Variants in SLC10A2 observed in about 807,000 individuals in gnomAD.
SLC10A2 encodes the protein solute carrier family 10 member 2.
In SLC10A2, 34 loss-of-function variants were observed where a neutral mutation model predicts 27.1. The observed-to-expected ratio is 1.26, with a 90% CI of 0.96 to 1.67. SLC10A2 has a LOEUF of 1.67. Ranked by LOEUF, SLC10A2 falls within the 40% of genes most tolerant of loss-of-function variation. The pLI, the probability that SLC10A2 is intolerant of heterozygous loss-of-function variation, is 0.00. For synonymous variants in SLC10A2, 205 were observed against 174.0 expected (o/e 1.18, Z -1.40); for missense variants, 530 against 444.4 (o/e 1.19, Z -1.73).
chr13:103,046,385 T>C (rs1403204275), intron 5 of SLC10A2, 125 bp from the exon 6 acceptor site: 4 of 792,982 alleles, frequency 5.0e-6, no homozygotes, highest in Non-Finnish European at 8.1e-6. Flanking sequence ...GGAGGCTGCT[T>C]AGAGAAAGAA....
At chr13:103,064,814 AG>A (rs1876227481) in intron 1 of SLC10A2, among the ~76,000 whole-genome samples, 1 of 152,084 alleles carries the variant, frequency 6.6e-6, no homozygotes, top group African/African-American at 2.4e-5. Flanking sequence ...AACCATATGA[AG>A]GTATAGGGTT....
chr13:103,052,584 A>T, intron 3 of SLC10A2, 36 bp downstream of exon 3: 1 of 1,345,620 alleles, frequency 7.4e-7, no homozygotes, highest in South Asian at 1.2e-5. Context: ...TGATTGTCAC[A>T]GTGGAATATT....
chr13:103,058,957 C>A (rs1876022836), intron 1 of SLC10A2, among the ~76,000 whole-genome samples: 1 of 152,132 alleles, frequency 6.6e-6, no homozygotes. Context: ...GATTTGTATT[C>A]TTTTGGGTAT....
chr13:103,051,156 A>T, intron 4 of SLC10A2, 101 bp downstream of exon 4: 1 of 1,150,006 alleles, frequency 8.7e-7, no homozygotes, highest in Non-Finnish European at 1.3e-6. Flanking sequence ...TCTGTTGTTT[A>T]AGCCACTCAG....
chr13:103,058,605 C>T (rs1004903283), intron 1 of SLC10A2, among the ~76,000 whole-genome samples: 2 of 152,080 alleles, frequency 1.3e-5, no homozygotes, highest in South Asian at 2.1e-4. Context: ...CCTCTCTTTC[C>T]TCCCACCCTC....
chr13:103,052,706 T>G lies in SLC10A2; in HGVS notation c.499A>C (p.Thr167Pro). Residue 167 changes from threonine (T) to proline (P), a missense_variant and splice_region_variant, in exon 3 of 6, where the codon ACA (threonine) becomes CCA (proline). Thr to Pro is a conservative substitution (Grantham distance 38, BLOSUM62 -1). Transcript: ENST00000245312. ...SIVIPYDNIGTSLVSLVVPVS... is the reference protein window; with the variant it reads ...SIVIPYDNIGPSLVSLVVPVS... ...GGAACAACGAGAGAAACCAGAGATGTACCTAAAGATGACAGAAGGGCAATG... is the reference window on the plus strand; with the variant it reads ...GGAACAACGAGAGAAACCAGAGATGGACCTAAAGATGACAGAAGGGCAATG... 1 of 1,587,440 alleles carries G rather than the reference T, an allele frequency of 6.3e-7. No homozygotes were observed. The highest frequency in any genetic ancestry group is 8.7e-7 in the Non-Finnish European group (1 of 1,156,034).
intron 2 of SLC10A2, among the ~76,000 whole-genome samples, chr13:103,057,434 C>T (rs1035307116): frequency 1.3e-5 from 2 of 152,094 alleles, no homozygotes; most frequent in East Asian, 1.9e-4. Context: ...AATTTGACTC[C>T]TGGAGCATGA....
rs1428524713 is a variant in SLC10A2, at chr13:103,044,168, A to G, written c.*1965T>C. On this transcript the variant is annotated 3_prime_UTR_variant, in exon 6 of 6. Coordinates refer to ENST00000245312, the MANE Select transcript of SLC10A2 (RefSeq NM_000452.3). ...TTTTCTTCCCACTAGCAAATTAGGGAAAAAGACTCAAGTCACAAGTTACCG... is the reference window on the plus strand; with the variant it reads ...TTTTCTTCCCACTAGCAAATTAGGGGAAAAGACTCAAGTCACAAGTTACCG... 3 of 152,190 alleles carry G rather than the reference A, an allele frequency of 2.0e-5. No individual in the cohort carries two copies. The highest frequency in any genetic ancestry group is 6.5e-5 in the Admixed American group (1 of 15,280). 9.4% of individuals were successfully genotyped at this position (152,190 alleles called of 1,614,324 possible). A position where few individuals can be genotyped will look rare whatever the true frequency, so the allele number is the denominator to read the frequency against.
In SLC10A2 at chr13:103,058,312, T is replaced by C. The variant is rs1876000401; in HGVS notation, c.448A>G (p.Lys150Glu). 2 of 1,613,666 alleles carry C rather than the reference T, an allele frequency of 1.2e-6. No homozygotes were observed. The highest frequency in any genetic ancestry group is 1.7e-6 in the Non-Finnish European group (2 of 1,179,626). The change falls in exon 2 of 6, where the codon AAA becomes GAA. Residue 150 changes from lysine (K) to glutamate (E), a missense_variant. Coordinates refer to ENST00000245312, the MANE Select transcript of SLC10A2 (RefSeq NM_000452.3). ...MMPLCLLIYT[K>E]MWVDSGSIVI... ...ATGCTCCCAGAGTCGACCCACATTT[T>C]GGTATAGATAAGGAGGCACAGCGGC... is the stretch of plus-strand genomic sequence containing the variant.
intron 1 of SLC10A2, among the ~76,000 whole-genome samples, chr13:103,060,531 A>G (rs1876084905): frequency 6.6e-6 from 1 of 151,892 alleles, no homozygotes; most frequent in Non-Finnish European, 1.5e-5. Flanking sequence ...ATGAGCCACC[A>G]TGCCAGGCTA....
chr13:103,051,403 A>C lies in SLC10A2; in HGVS notation c.615T>G (p.Ile205Met), dbSNP rs1399307844. The change falls in exon 4 of 6, where the codon ATT (isoleucine) becomes ATG (methionine). Residue 205 changes from isoleucine to methionine, a missense_variant. By Grantham distance (10) the Ile-to-Met change is conservative. Transcript: ENST00000245312. Reference protein sequence around the residue: ...KIGSIAGAILIVLIAVVGGIL... With the variant: ...KIGSIAGAILMVLIAVVGGIL... ...TTCCTCCAACCACAGCTATGAGCAC[A>C]ATGAGGATGGCGCCCGCGATGGACC... The C allele has an allele frequency of 9.3e-6, 15 of 1,614,072 alleles. No individual in the cohort carries two copies. Among genetic ancestry groups the C allele is most frequent in the East Asian group, 2.2e-5 (1 of 44,870 alleles).
intron 1 of SLC10A2, among the ~76,000 whole-genome samples, chr13:103,060,397 T>G (rs1876078114): frequency 6.6e-6 from 1 of 151,334 alleles, no homozygotes; most frequent in African/African-American, 2.4e-5. Flanking sequence ...TTTTTTTTTT[T>G]TTTTTTAAAT....
chr13:103,054,376 T>C (rs953725731), intron 2 of SLC10A2, among the ~76,000 whole-genome samples: 1 of 152,216 alleles, frequency 6.6e-6, no homozygotes, highest in Admixed American at 6.5e-5. Flanking sequence ...TAATTCTTTA[T>C]AGCAATGAGA....
intron 1 of SLC10A2, among the ~76,000 whole-genome samples, chr13:103,059,944 T>G (rs1876056230): frequency 6.6e-6 from 1 of 152,104 alleles, no homozygotes; most frequent in Non-Finnish European, 1.5e-5. Context: ...TAGCACTGAG[T>G]AAGTTATTGG....
chr13:103,059,751 G>A (rs1876048421), intron 1 of SLC10A2, among the ~76,000 whole-genome samples: 1 of 152,190 alleles, frequency 6.6e-6, no homozygotes, highest in African/African-American at 2.4e-5. Flanking sequence ...GTCTGACCAT[G>A]CTGAGATGGA....
Position 103,066,111 on chromosome 13 carries a change from A to C in SLC10A2, c.139T>G (p.Phe47Val), listed in dbSNP as rs779425020. ...ATTTCCACGTTGCATCCCATGGAGA[A>C]CATCACCAAGGCCAACAGGATGGTC... ...VLTILLALVM[F>V]SMGCNVEIKK... The change falls in exon 1 of 6, where the codon TTC (phenylalanine) becomes GTC (valine). Residue 47 changes from phenylalanine (F) to valine (V), a missense_variant. By Grantham distance (50) the Phe-to-Val change is conservative. Transcript: ENST00000245312. 2.0e-5 allele frequency: 33 copies of C among 1,614,092 alleles called. No homozygotes were observed. In the South Asian group the frequency reaches 3.5e-4, roughly 17 times the overall value.
At position 103,049,307 on chromosome 13, in the gene SLC10A2, C is replaced by G. The variant is rs1172971165; in HGVS notation, c.901G>C (p.Ala301Pro). Residue 301 changes from alanine to proline, a missense_variant, in exon 5 of 6, where the codon GCC becomes CCC. Coordinates refer to ENST00000245312, the MANE Select transcript of SLC10A2 (RefSeq NM_000452.3). Reference sequence around the variant, plus strand: ...TCCTTACATCCTAAGAATATTGCGGCAAAGGCGAGCTGGAAAATGCTGTAG... The same window carrying G: ...TCCTTACATCCTAAGAATATTGCGGGAAAGGCGAGCTGGAAAATGCTGTAG... The part of the protein sequence containing the change: ...LIYSIFQLAF[A>P]AIFLGFYVAY... The G allele has an allele frequency of 6.2e-7, 1 of 1,613,762 alleles. No homozygotes were observed. Among genetic ancestry groups the G allele is most frequent in the Admixed American group, 1.7e-5 (1 of 59,994 alleles).
At chr13:103,048,560 C>T (rs962442414) in intron 5 of SLC10A2, among the ~76,000 whole-genome samples, 1 of 151,954 alleles carries the variant, frequency 6.6e-6, no homozygotes, top group Non-Finnish European at 1.5e-5. Flanking sequence ...TGTCATGAGG[C>T]TTTAAAAACT....
In SLC10A2 at chr13:103,051,339, A is replaced by T; in HGVS notation, c.679T>A (p.Trp227Arg). 6.2e-7 allele frequency: 1 copy of T among 1,614,082 alleles called. No homozygotes were observed. Among genetic ancestry groups the T allele is most frequent in the Non-Finnish European group, 8.5e-7 (1 of 1,179,984 alleles). ...QSAWIIAPKL[W>R]IIGTIFPVAG... Reference sequence around the variant, plus strand: ...ACAGGAAATATTGTTCCTATAATCCACAGTTTGGGAGCAATGATCCAGGCG... The same window carrying T: ...ACAGGAAATATTGTTCCTATAATCCTCAGTTTGGGAGCAATGATCCAGGCG... The change falls in exon 4 of 6, where the codon TGG becomes AGG. Residue 227 changes from tryptophan (W) to arginine (R), a missense_variant. Coordinates refer to ENST00000245312, the MANE Select transcript of SLC10A2 (RefSeq NM_000452.3).
Sources: allele counts gnomAD v4.1 joint callset (sites outside exome capture counted in the v4.1 genomes callset), GRCh38; gene constraint gnomAD v4.1.1; transcripts MANE v1.5; gene names NCBI Gene and HGNC (gene_info 2026-07-23, HGNC 2026-07-21).